ZFHX3: variants seen among roughly 807,000 people sequenced by gnomAD.
ZFHX3 encodes the protein zinc finger homeobox protein 3.
In ZFHX3, 42 loss-of-function variants were observed where a neutral mutation model predicts 279.1. That is an observed-to-expected ratio of 0.15 (90% confidence interval 0.12 to 0.19). The LOEUF (loss-of-function observed/expected upper bound fraction) is 0.19, where lower values mean the gene tolerates loss of function less well. Among genes scored for constraint, ZFHX3 ranks in the 10% least tolerant of loss-of-function variants. The pLI, the probability that ZFHX3 is intolerant of heterozygous loss-of-function variation, is 1.00. For missense variants in ZFHX3, 4,981 were observed against 4,754.0 expected, an observed-to-expected ratio of 1.05 and a Z score of -1.40; for synonymous variants, 2,293 against 1,957.8, an observed-to-expected ratio of 1.17 and a Z score of -4.52.
chr16:73,584,655 G>C (rs550828128), intron 2 of ZFHX3, among the ~76,000 whole-genome samples: 1 of 152,248 alleles, frequency 6.6e-6, no homozygotes, highest in East Asian at 1.9e-4. Flanking sequence ...ATGAAGACGG[G>C]ATAAGGTCAG....
At chr16:73,154,746 T>A (rs953181445) in intron 5 of ZFHX3, among the ~76,000 whole-genome samples, 1 of 152,116 alleles carries the variant, frequency 6.6e-6, no homozygotes, top group Non-Finnish European at 1.5e-5. Flanking sequence ...ATGCTCAACC[T>A]TCAAGAGCTT....
intron 4 of ZFHX3, among the ~76,000 whole-genome samples, chr16:73,290,419 G>A (rs993761474): frequency 2.0e-5 from 3 of 152,192 alleles, no homozygotes; most frequent in Non-Finnish European, 4.4e-5. Flanking sequence ...TAGGAAGAGG[G>A]AAGAGCCTGT....
chr16:73,668,666 A>G (rs1286364122), intron 2 of ZFHX3, among the ~76,000 whole-genome samples: 4 of 149,284 alleles, frequency 2.7e-5, no homozygotes, highest in Admixed American at 2.0e-4. Context: ...CAATCTATCC[A>G]TCTGACAAAG....
chr16:73,873,280 G>A (rs1368360959), intron 1 of ZFHX3, among the ~76,000 whole-genome samples: 2 of 135,056 alleles, frequency 1.5e-5, no homozygotes, highest in East Asian at 2.2e-4. Flanking sequence ...GTGGTGGGTG[G>A]TGGGTGGTGG....
intron 1 of ZFHX3, among the ~76,000 whole-genome samples, chr16:72,977,284 C>T (rs753953966): frequency 6.6e-6 from 1 of 152,108 alleles, no homozygotes; most frequent in Non-Finnish European, 1.5e-5. Context: ...CCAGACGCAG[C>T]GTCTGGCCTC....
intron 5 of ZFHX3, among the ~76,000 whole-genome samples, chr16:73,186,245 C>T (rs949997681): frequency 6.6e-6 from 1 of 152,010 alleles, no homozygotes; most frequent in Non-Finnish European, 1.5e-5. Flanking sequence ...GAAGCCATGC[C>T]CCCTCACCAT....
intron 2 of ZFHX3, among the ~76,000 whole-genome samples, chr16:73,634,365 T>C (rs1489325900): frequency 1.3e-5 from 2 of 150,136 alleles, no homozygotes; most frequent in Non-Finnish European, 3.0e-5. Flanking sequence ...GAGAGGAGTT[T>C]AGGGTCATTT....
At chr16:73,001,739 G>C (rs1239769857) in intron 1 of ZFHX3, among the ~76,000 whole-genome samples, 2 of 151,876 alleles carry the variant, frequency 1.3e-5, no homozygotes, top group Middle Eastern at 3.2e-3. Context: ...AGGATGCCTT[G>C]AGCCCGGGAG....
chr16:73,350,721 G>A (rs1282988949), intron 3 of ZFHX3, among the ~76,000 whole-genome samples: 1 of 152,238 alleles, frequency 6.6e-6, no homozygotes, highest in Non-Finnish European at 1.5e-5. Flanking sequence ...AGATGAGATG[G>A]TTGGCTGCTG....
intron 4 of ZFHX3, among the ~76,000 whole-genome samples, chr16:73,274,921 G>A (rs571950268): frequency 6.6e-6 from 1 of 152,184 alleles, no homozygotes; most frequent in Non-Finnish European, 1.5e-5. Context: ...ATTGGTCTAA[G>A]AAACTGTAGT....
chr16:73,852,631 C>G (rs1200892224), intron 1 of ZFHX3, among the ~76,000 whole-genome samples: 1 of 152,158 alleles, frequency 6.6e-6, no homozygotes, highest in African/African-American at 2.4e-5. Context: ...CCTCATAACA[C>G]AATCTCAGGT....
intron 3 of ZFHX3, among the ~76,000 whole-genome samples, chr16:73,391,326 A>G (rs1366516926): frequency 6.6e-6 from 1 of 151,930 alleles, no homozygotes; most frequent in East Asian, 2.0e-4. Context: ...ATGGTGATGG[A>G]CACCTGTAAT....
intron 7 of ZFHX3, among the ~76,000 whole-genome samples, chr16:73,094,067 C>A (rs150375183): frequency 6.6e-6 from 1 of 152,086 alleles, no homozygotes; most frequent in Non-Finnish European, 1.5e-5. Context: ...GTGGACCCCC[C>A]CAACCCCCTA....
At chr16:73,029,157 A>G (rs1964610970) in intron 1 of ZFHX3, among the ~76,000 whole-genome samples, 1 of 152,092 alleles carries the variant, frequency 6.6e-6, no homozygotes, top group African/African-American at 2.4e-5. Flanking sequence ...GGCAGTTCGG[A>G]AAGTCTCTGC....
At chr16:73,816,876 T>G (rs1328081303) in intron 1 of ZFHX3, among the ~76,000 whole-genome samples, 1 of 152,078 alleles carries the variant, frequency 6.6e-6, no homozygotes, top group Non-Finnish European at 1.5e-5. Context: ...CGGCCATTAG[T>G]GAGGGTTTCT....
chr16:73,838,622 C>A (rs992494400), intron 1 of ZFHX3, among the ~76,000 whole-genome samples: 1 of 152,114 alleles, frequency 6.6e-6, no homozygotes, highest in Non-Finnish European at 1.5e-5. Context: ...CAGGTATCAA[C>A]AGGTCTTTTT....
Position 73,146,200 on chromosome 16 carries a change from T to C in ZFHX3, c.-1103-2369A>G, listed in dbSNP as rs2144840238. On this transcript the variant is annotated intron_variant, in intron 5 of 17. Transcript: ENST00000641206. ...ATCCCAGCACTTTGGGAGGCTGAGA[T>C]GGGCGGATCACAAGGTCAAGAGATT... Among the ~76,000 whole-genome samples, 2 of 152,208 alleles carry C rather than the reference T, an allele frequency of 1.3e-5. 1 individual carries two copies. The highest frequency in any genetic ancestry group is 4.2e-4 in the South Asian group (2 of 4,812).
chr16:72,960,700 G>A (rs1457733039), intron 1 of ZFHX3, among the ~76,000 whole-genome samples: 5 of 152,144 alleles, frequency 3.3e-5, no homozygotes, highest in East Asian at 1.9e-4. Context: ...GAAAAAGGAC[G>A]GTAAAGTGGG....
At chr16:73,763,998 T>G (rs1317454694) in intron 1 of ZFHX3, among the ~76,000 whole-genome samples, 1 of 152,142 alleles carries the variant, frequency 6.6e-6, no homozygotes, top group Non-Finnish European at 1.5e-5. Flanking sequence ...AACCAACACC[T>G]TGATCTCAAC....
Sources: gnomAD v4.1 joint callset for allele counts (sites outside exome capture counted in the v4.1 genomes callset) on GRCh38, gnomAD v4.1.1 for gene constraint, MANE v1.5 for transcripts, NCBI Gene and HGNC (gene_info 2026-07-23, HGNC 2026-07-21) for gene names.